MGA: variants seen among roughly 807,000 people sequenced by gnomAD.
MGA encodes MAX gene-associated protein.
Under a neutral mutation model 261.1 loss-of-function variants are expected in MGA, and 40 were observed. The observed-to-expected ratio is 0.15, with a 90% CI of 0.12 to 0.20. The LOEUF (loss-of-function observed/expected upper bound fraction) is 0.20, where lower values mean the gene tolerates loss of function less well. Among genes scored for constraint, MGA ranks in the 10% least tolerant of loss-of-function variants. The pLI, the probability that MGA is intolerant of heterozygous loss-of-function variation, is 1.00. For missense variants in MGA, 3,397 were observed against 3,630.5 expected, an observed-to-expected ratio of 0.94 and a Z score of 1.65; for synonymous variants, 1,302 against 1,290.6, an observed-to-expected ratio of 1.01 and a Z score of -0.19.
At chr15:41,707,313 T>TC (rs1194017204) in intron 5 of MGA, among the ~76,000 whole-genome samples, 1 of 152,234 alleles carries the variant, frequency 6.6e-6, no homozygotes, top group Non-Finnish European at 1.5e-5. Flanking sequence ...GCCTGGTTTC[T>TC]CAGAGACTTG....
At position 41,742,675 on chromosome 15, in the gene MGA, C is replaced by G; in HGVS notation, c.4715C>G (p.Pro1572Arg). The G allele has an allele frequency of 6.2e-7, 1 of 1,613,936 alleles. No individual in the cohort carries two copies. The highest frequency in any genetic ancestry group is 1.1e-5 in the South Asian group (1 of 91,078). Residue 1572 changes from proline to arginine, a missense_variant, in exon 15 of 24, where the codon CCT (proline) becomes CGT (arginine). By Grantham distance (103) the Pro-to-Arg change is moderately radical (BLOSUM62 -2). Transcript: ENST00000219905. ...GGGACACAGAAGTTCAGTATCAGAC[C>G]TTCTCCAGTAATGGTCGTCACACCT...
chr15:41,714,420 G>A (rs1312633399), intron 9 of MGA, among the ~76,000 whole-genome samples: 1 of 152,198 alleles, frequency 6.6e-6, no homozygotes, highest in Non-Finnish European at 1.5e-5. Context: ...ATTAAAAGTG[G>A]AATTGCTGTG....
chr15:41,742,523 G>A, intron 14 of MGA, 23 bp from the exon 15 acceptor site: 1 of 1,601,358 alleles, frequency 6.2e-7, no homozygotes, highest in Non-Finnish European at 8.5e-7. Flanking sequence ...GAAGATTTTT[G>A]ACCTGCAAAT....
chr15:41,729,855 CTTTCTT>C (rs1303193991), intron 11 of MGA, among the ~76,000 whole-genome samples: 1 of 151,658 alleles, frequency 6.6e-6, no homozygotes, highest in African/African-American at 2.4e-5. Flanking sequence ...GTATATTATT[CTTTCTT>C]TTTCTTTTCT....
intron 1 of MGA, among the ~76,000 whole-genome samples, chr15:41,653,828 G>A (rs986375484): frequency 4.6e-5 from 7 of 151,836 alleles, no homozygotes; most frequent in African/African-American, 1.7e-4. Context: ...TTTAAACTAA[G>A]TGTAACTTAA....
chr15:41,647,064 A>G (rs753933469), intron 1 of MGA, among the ~76,000 whole-genome samples: 2 of 152,068 alleles, frequency 1.3e-5, no homozygotes, highest in Non-Finnish European at 2.9e-5. Flanking sequence ...CTCCAGGGCT[A>G]TTTTCTAGCT....
intron 15 of MGA, among the ~76,000 whole-genome samples, chr15:41,743,664 C>A (rs1441036438): frequency 6.6e-6 from 1 of 152,070 alleles, no homozygotes; most frequent in Non-Finnish European, 1.5e-5. Flanking sequence ...GCAGATGTTC[C>A]TTTTGTGGGG....
upstream of MGA, among the ~76,000 whole-genome samples, chr15:41,656,320 CTTTCTCTCTCTCCCTCTCCTCTCT>C (rs1566936299): frequency 7.4e-5 from 9 of 121,518 alleles, no homozygotes; most frequent in Non-Finnish European, 1.3e-4. Context: ...AATGGTGTTT[CTTTCTCTCTCTCCCTCTCCTCTCT>C]TCTCTCTCTC....
intron 11 of MGA, among the ~76,000 whole-genome samples, chr15:41,731,036 C>T (rs77665469): frequency 0.033 from 4,975 of 152,224 alleles, 136 homozygotes; most frequent in South Asian, 0.07. Flanking sequence ...ATTTTCTATC[C>T]TGCATTTTTC....
intron 12 of MGA, among the ~76,000 whole-genome samples, chr15:41,734,950 G>C (rs1207652430): frequency 1.3e-5 from 2 of 151,908 alleles, no homozygotes; most frequent in African/African-American, 4.8e-5. Context: ...GGGAAATCTA[G>C]AAGGAGAAAG....
rs144386608 is a variant in MGA, at chr15:41,766,750, G to A, written c.8668G>A (p.Val2890Ile). The A allele has an allele frequency of 1.9e-4, 304 of 1,613,958 alleles. 3 individuals carry two copies. The East Asian group carries it at 5.0e-3, about 27-fold the overall frequency. ...AACTGGTTTGAAAGAGTTGCCTGAT[G>A]TTCAAGGGGAGAGTGACTCTATCAG... The change falls in exon 24 of 24, where the codon GTT becomes ATT. Residue 2890 changes from valine to isoleucine, a missense_variant. Transcript: ENST00000219905.
In MGA at chr15:41,748,676, C is replaced by G; in HGVS notation, c.5252C>G (p.Ser1751Cys). 1 of 1,613,944 alleles carries G rather than the reference C, an allele frequency of 6.2e-7. No individual in the cohort carries two copies. Among genetic ancestry groups the G allele is most frequent in the Non-Finnish European group, 8.5e-7 (1 of 1,179,884 alleles). ...ATTCCAGTGGCTACTCCACAGGTCTCTCCTAACACAGTGAAACGTGCTGGA... is the reference window on the plus strand; with the variant it reads ...ATTCCAGTGGCTACTCCACAGGTCTGTCCTAACACAGTGAAACGTGCTGGA... Residue 1751 changes from serine (S) to cysteine (C), a missense_variant, in exon 16 of 24, where the codon TCT becomes TGT. By Grantham distance (112) the Ser-to-Cys change is moderately radical. This residue lies in a region of MGA where 1,410 missense variants were observed against 1,386.4 expected (regional missense o/e 1.02). Transcript: ENST00000219905.
chr15:41,685,468 C>G (rs1238312755), intron 2 of MGA, among the ~76,000 whole-genome samples: 1 of 152,080 alleles, frequency 6.6e-6, no homozygotes, highest in South Asian at 2.1e-4. Context: ...AATTTTGAGT[C>G]AGCTTTTCAG....
intron 1 of MGA, among the ~76,000 whole-genome samples, chr15:41,665,489 G>T (rs1242375626): frequency 6.6e-6 from 1 of 151,654 alleles, no homozygotes; most frequent in East Asian, 1.9e-4. Flanking sequence ...CCACCCCCAG[G>T]CTCGAGGGAT....
intron 1 of MGA, among the ~76,000 whole-genome samples, chr15:41,660,728 C>G (rs968566316): frequency 8.5e-5 from 13 of 152,194 alleles, no homozygotes; most frequent in Non-Finnish European, 1.8e-4. Flanking sequence ...CATGTCACCT[C>G]GCGCGCGTCC....
At chr15:41,736,087 G>A in intron 12 of MGA, 94 bp from the exon 13 acceptor site, 1 of 1,108,726 alleles carries the variant, frequency 9.0e-7, no homozygotes, top group South Asian at 1.8e-5. Context: ...AAGAACGTGA[G>A]AATGTGACAG....
intron 1 of MGA, among the ~76,000 whole-genome samples, chr15:41,624,270 T>C (rs2056389486): frequency 6.7e-6 from 1 of 149,076 alleles, no homozygotes; most frequent in African/African-American, 2.5e-5. Flanking sequence ...TTTTTTGAGA[T>C]GGAGTCCTGC....
intron 13 of MGA, among the ~76,000 whole-genome samples, chr15:41,738,749 A>C (rs745911704): frequency 3.3e-5 from 5 of 152,184 alleles, no homozygotes; most frequent in African/African-American, 4.8e-5. Context: ...GTCCCAAGGG[A>C]TCCGGGAGGG....
intron 12 of MGA, among the ~76,000 whole-genome samples, chr15:41,735,566 G>T (rs2061730893): frequency 6.6e-6 from 1 of 152,020 alleles, no homozygotes; most frequent in African/African-American, 2.4e-5. Flanking sequence ...GTGAAACCCC[G>T]TCTCTAGTAA....
Sources: allele counts gnomAD v4.1 joint callset (sites outside exome capture counted in the v4.1 genomes callset), GRCh38; gene constraint gnomAD v4.1.1; regional missense constraint gnomAD v4.1.1; transcripts MANE v1.5; gene names NCBI Gene and HGNC (gene_info 2026-07-23, HGNC 2026-07-21).